Variants in MAP7D2 observed in about 807,000 individuals in gnomAD.
MAP7D2 encodes MAP7 domain containing 2.
Under a neutral mutation model 63.5 loss-of-function variants are expected in MAP7D2, and 33 were observed. The observed-to-expected ratio is 0.52, with a 90% CI of 0.39 to 0.70. The LOEUF is 0.70. Among genes scored for constraint, MAP7D2 ranks in the 30% least tolerant of loss-of-function variants. The probability of loss-of-function intolerance (pLI) is 0.00; values close to 1 mark genes in which losing one functional copy is unlikely to be tolerated. For synonymous variants in MAP7D2, 224 were observed against 223.7 expected, an observed-to-expected ratio of 1.00 and a Z score of -0.01; for missense variants, 626 against 604.0, an observed-to-expected ratio of 1.04 and a Z score of -0.38.
At chrX:20,045,264 C>T (rs915393564) in intron 6 of MAP7D2, among the ~76,000 whole-genome samples, 9 of 111,047 alleles carry the variant, frequency 8.1e-5, no homozygotes, top group Non-Finnish European at 1.7e-4. Context: ...CATGTTTCCT[C>T]CTGCTATAAT....
intron 10 of MAP7D2, among the ~76,000 whole-genome samples, chrX:20,020,863 A>AT (rs1405335901): frequency 9.0e-6 from 1 of 111,300 alleles, no homozygotes; most frequent in African/African-American, 3.3e-5. Context: ...CTTTCCTTCA[A>AT]TTTTTTAAAA....
At chrX:20,022,136 A>C (rs1411373390) in intron 10 of MAP7D2, among the ~76,000 whole-genome samples, 2 of 111,808 alleles carry the variant, frequency 1.8e-5, no homozygotes, top group African/African-American at 6.5e-5. Flanking sequence ...GGAGGGAGCA[A>C]GACTTGACCT....
intron 1 of MAP7D2, among the ~76,000 whole-genome samples, chrX:20,112,008 G>A (rs755849540): frequency 5.1e-4 from 57 of 112,116 alleles, no homozygotes; most frequent in Admixed American, 9.4e-4. Context: ...CTGAGTGCAA[G>A]CGATCTGTGG....
intron 3 of MAP7D2, among the ~76,000 whole-genome samples, chrX:20,061,344 G>A (rs778997035): frequency 9.0e-6 from 1 of 111,238 alleles, no homozygotes; most frequent in African/African-American, 3.3e-5. Flanking sequence ...TGCCAGCAGA[G>A]CACCGACCCA....
rs760623807 is a variant in MAP7D2 at position 20,080,255 on chromosome X, C to T, written c.131-15450G>A. ...CTATGCTGAGGTCTGTCCTCCCAGC[C>T]TTCTTCCCTGTGCGGTGGTTGCAAG... is the stretch of plus-strand genomic sequence containing the variant. On this transcript the variant is annotated intron_variant, in intron 1 of 16. Coordinates refer to ENST00000379643, the MANE Select transcript of MAP7D2 (RefSeq NM_001168465.2). Among the ~76,000 whole-genome samples, 42 of 110,921 alleles carry T rather than the reference C, an allele frequency of 3.8e-4. 1 individual carries two copies. Among genetic ancestry groups the T allele is most frequent in the Middle Eastern group, 4.6e-3 (1 of 216 alleles).
intron 3 of MAP7D2, among the ~76,000 whole-genome samples, chrX:20,061,471 C>T (rs999942142): frequency 2.7e-5 from 3 of 112,419 alleles, no homozygotes; most frequent in African/African-American, 9.7e-5. Context: ...TGGGTTGCTA[C>T]ACAACCACAG....
chrX:20,012,165 C>T (rs1287433857), intron 15 of MAP7D2, among the ~76,000 whole-genome samples, 184 bp downstream of exon 15: 2 of 111,530 alleles, frequency 1.8e-5, no homozygotes, highest in African/African-American at 6.5e-5. Flanking sequence ...AACTCTGTTC[C>T]AGGCTCTGCT....
At chrX:20,009,663 C>CA (rs35018861) in intron 16 of MAP7D2, among the ~76,000 whole-genome samples, 1,246 of 17,602 alleles carry the variant, frequency 0.071, 129 homozygotes, top group African/African-American at 0.17. Context: ...GATTCCATCT[C>CA]AAAAAAAAAA....
intron 8 of MAP7D2, among the ~76,000 whole-genome samples, chrX:20,028,279 G>A (rs924920567): frequency 3.6e-5 from 4 of 112,091 alleles, no homozygotes; most frequent in African/African-American, 1.3e-4. Flanking sequence ...TGCCAGCGCA[G>A]CTAAGTCTGA....
At chrX:20,043,034 G>A (rs566712013) in intron 7 of MAP7D2, among the ~76,000 whole-genome samples, 1 of 111,674 alleles carries the variant, frequency 9.0e-6, no homozygotes, top group South Asian at 3.7e-4. Flanking sequence ...TAATGGGTCT[G>A]CAACCCCATC....
At chrX:20,016,017 T>C (rs188367160) in intron 11 of MAP7D2, 77 bp downstream of exon 11, 42 of 859,311 alleles carry the variant, frequency 4.9e-5, no homozygotes, top group South Asian at 1.6e-4. Flanking sequence ...TTATGAGTCA[T>C]TGAAATTTAA....
At chrX:20,066,144 G>A (rs1420342473) in intron 1 of MAP7D2, among the ~76,000 whole-genome samples, 1 of 110,952 alleles carries the variant, frequency 9.0e-6, no homozygotes, top group Non-Finnish European at 1.9e-5. Flanking sequence ...GGATGGTCTC[G>A]ATCTCCTGAC....
At chrX:20,071,207 A>C (rs1365327432) in intron 1 of MAP7D2, among the ~76,000 whole-genome samples, 1 of 112,232 alleles carries the variant, frequency 8.9e-6, no homozygotes, top group Non-Finnish European at 1.9e-5. Context: ...TCTTGGTTGC[A>C]CTGTGATGAT....
intron 1 of MAP7D2, among the ~76,000 whole-genome samples, chrX:20,106,478 G>C (rs2066569460): frequency 8.9e-6 from 1 of 112,223 alleles, no homozygotes; most frequent in Non-Finnish European, 1.9e-5. Flanking sequence ...CACACATACT[G>C]TGCTTCACGC....
intron 1 of MAP7D2, among the ~76,000 whole-genome samples, chrX:20,073,724 C>T (rs1244960673): frequency 3.7e-5 from 4 of 106,827 alleles, no homozygotes; most frequent in Non-Finnish European, 7.8e-5. Flanking sequence ...GATGGGGTTT[C>T]ACCGTGTTAG....
At chrX:20,051,562 A>AC (rs1407703876) in intron 5 of MAP7D2, among the ~76,000 whole-genome samples, 12 of 108,735 alleles carry the variant, frequency 1.1e-4, no homozygotes, top group Non-Finnish European at 2.3e-4. Flanking sequence ...AAAACAAACA[A>AC]AAAAAAAACA....
chrX:20,089,267 T>C (rs1488180848), intron 1 of MAP7D2, among the ~76,000 whole-genome samples: 1 of 112,286 alleles, frequency 8.9e-6, no homozygotes, highest in East Asian at 2.8e-4. Context: ...CTTTGTCAAA[T>C]ATTCAATTAC....
At chrX:20,029,411 G>A (rs763195489) in intron 8 of MAP7D2, among the ~76,000 whole-genome samples, 1 of 112,385 alleles carries the variant, frequency 8.9e-6, no homozygotes, top group Admixed American at 9.4e-5. Context: ...AAATGGAAAT[G>A]CAGGACAAGA....
intron 8 of MAP7D2, among the ~76,000 whole-genome samples, chrX:20,038,565 G>A (rs1399404572): frequency 9.0e-6 from 1 of 111,402 alleles, no homozygotes; most frequent in East Asian, 2.8e-4. Context: ...CCCACAGCCA[G>A]GATTCACGGG....
Sources: gnomAD v4.1 joint callset for allele counts (sites outside exome capture counted in the v4.1 genomes callset) on GRCh38, gnomAD v4.1.1 for gene constraint, MANE v1.5 for transcripts, NCBI Gene and HGNC (gene_info 2026-07-23, HGNC 2026-07-21) for gene names.